SHISA9: variants seen among roughly 807,000 people sequenced by gnomAD.
SHISA9 encodes the protein protein shisa-9.
Under a neutral mutation model 38.0 loss-of-function variants are expected in SHISA9, and 13 were observed. The ratio of observed to expected loss-of-function variants is 0.34; its 90% CI spans 0.22 to 0.54. SHISA9 has a LOEUF of 0.54. Ranked by LOEUF, SHISA9 falls within the 20% of genes least tolerant of loss-of-function variation. The pLI is 0.91. For missense variants in SHISA9, 538 were observed against 575.8 expected (o/e 0.93, Z 0.67); for synonymous variants, 275 against 242.0 (o/e 1.14, Z -1.27).
intron 2 of SHISA9, among the ~76,000 whole-genome samples, chr16:13,050,620 C>T (rs2073240215): frequency 6.6e-6 from 1 of 152,190 alleles, no homozygotes; most frequent in Admixed American, 6.5e-5. Flanking sequence ...GCATGAGCCA[C>T]CACGCCCAGC....
At chr16:13,288,497 G>C in the SHISA9 span, among the ~76,000 whole-genome samples, 1 of 152,024 alleles carries the variant, frequency 6.6e-6, no homozygotes, top group Non-Finnish European at 1.5e-5. Context: ...CAGAGAGAGA[G>C]ATCAAGATCT....
At chr16:13,437,240 G>T in the SHISA9 span, among the ~76,000 whole-genome samples, 3 of 152,206 alleles carry the variant, frequency 2.0e-5, no homozygotes, top group African/African-American at 4.8e-5. Flanking sequence ...TGGGGGGATT[G>T]GTTGCCATGG....
intron 2 of SHISA9, among the ~76,000 whole-genome samples, chr16:13,088,241 G>C (rs896706395): frequency 3.9e-5 from 6 of 152,172 alleles, no homozygotes; most frequent in Non-Finnish European, 5.9e-5. Context: ...AGTATAGTTT[G>C]AAGTCAGGTA....
At chr16:13,361,489 A>C in the SHISA9 span, among the ~76,000 whole-genome samples, 1 of 152,252 alleles carries the variant, frequency 6.6e-6, no homozygotes, top group Non-Finnish European at 1.5e-5. Context: ...TACAAGCTTC[A>C]TCTCATTTAT....
chr16:13,268,504 G>A, the SHISA9 span, among the ~76,000 whole-genome samples: 4 of 149,932 alleles, frequency 2.7e-5, no homozygotes, highest in African/African-American at 9.8e-5. Context: ...AGCAAAACTC[G>A]GTCTCAGAAA....
At chr16:13,410,489 T>C in the SHISA9 span, among the ~76,000 whole-genome samples, 1 of 152,244 alleles carries the variant, frequency 6.6e-6, no homozygotes, top group African/African-American at 2.4e-5. Context: ...CAGCCACCTT[T>C]GGAAACAAAG....
At chr16:13,109,272 C>A (rs935426901) in intron 2 of SHISA9, among the ~76,000 whole-genome samples, 1 of 152,118 alleles carries the variant, frequency 6.6e-6, no homozygotes, top group Non-Finnish European at 1.5e-5. Flanking sequence ...GCAATCCTCC[C>A]ACCTTGGCTT....
At chr16:13,514,889 A>G in the SHISA9 span, among the ~76,000 whole-genome samples, 12 of 152,164 alleles carry the variant, frequency 7.9e-5, no homozygotes, top group East Asian at 2.1e-3. Flanking sequence ...CAGCTGGAGG[A>G]AAAAAAATAC....
intron 2 of SHISA9, among the ~76,000 whole-genome samples, chr16:13,143,075 C>T (rs1422715105): frequency 1.3e-5 from 2 of 149,548 alleles, no homozygotes; most frequent in Non-Finnish European, 1.5e-5. Flanking sequence ...GGTGTGATCT[C>T]GACTCACTGC....
chr16:12,996,369 C>G (rs2072457524), intron 2 of SHISA9, among the ~76,000 whole-genome samples: 1 of 152,166 alleles, frequency 6.6e-6, no homozygotes, highest in Non-Finnish European at 1.5e-5. Flanking sequence ...AGGTGAGTAG[C>G]AGCTGTCCCC....
At chr16:12,950,492 A>C (rs1016634978) in intron 2 of SHISA9, among the ~76,000 whole-genome samples, 17 of 152,214 alleles carry the variant, frequency 1.1e-4, no homozygotes, top group African/African-American at 4.1e-4. Flanking sequence ...GCTGGTGAGG[A>C]TGTGGAGAAA....
intron 4 of SHISA9, among the ~76,000 whole-genome samples, chr16:13,220,126 A>T (rs952345427): frequency 1.3e-5 from 2 of 152,218 alleles, no homozygotes; most frequent in African/African-American, 4.8e-5. Flanking sequence ...TATTTAGACC[A>T]GCATTTATTT....
At chr16:13,053,977 C>T (rs749690697) in intron 2 of SHISA9, among the ~76,000 whole-genome samples, 9 of 152,144 alleles carry the variant, frequency 5.9e-5, no homozygotes, top group Non-Finnish European at 8.8e-5. Flanking sequence ...GGAGGAGTCT[C>T]GCCTCTTCTC....
At chr16:12,913,472 C>T (rs2071213126) in intron 1 of SHISA9, among the ~76,000 whole-genome samples, 1 of 152,238 alleles carries the variant, frequency 6.6e-6, no homozygotes, top group African/African-American at 2.4e-5. Context: ...GCTGGGATTA[C>T]AGGTGTGAAC....
intron 2 of SHISA9, among the ~76,000 whole-genome samples, chr16:13,168,012 A>G (rs186141375): frequency 2.0e-5 from 3 of 152,156 alleles, no homozygotes; most frequent in Admixed American, 6.5e-5. Flanking sequence ...TAACAACCAC[A>G]TTTTCCAGCT....
the SHISA9 span, among the ~76,000 whole-genome samples, chr16:13,254,310 T>A: frequency 6.6e-6 from 1 of 152,160 alleles, no homozygotes; most frequent in Non-Finnish European, 1.5e-5. Context: ...TATCATCTGG[T>A]CCAAAACTTT....
the SHISA9 span, among the ~76,000 whole-genome samples, chr16:13,544,280 A>G: frequency 6.7e-6 from 1 of 148,734 alleles, no homozygotes; most frequent in Non-Finnish European, 1.5e-5. Flanking sequence ...TTATCTATAT[A>G]TCTTATAGAT....
At chr16:13,052,329 A>T (rs1048756304) in intron 2 of SHISA9, among the ~76,000 whole-genome samples, 10 of 152,114 alleles carry the variant, frequency 6.6e-5, no homozygotes, top group Non-Finnish European at 1.3e-4. Flanking sequence ...TTCTGTAATA[A>T]CTCTTGGTGA....
At chr16:13,444,582 T>C in the SHISA9 span, among the ~76,000 whole-genome samples, 2 of 152,116 alleles carry the variant, frequency 1.3e-5, no homozygotes, top group Non-Finnish European at 2.9e-5. Context: ...CTAGTCTTGA[T>C]TGTCTCTCAC....
Sources: gnomAD v4.1 joint callset for allele counts (sites outside exome capture counted in the v4.1 genomes callset) on GRCh38, gnomAD v4.1.1 for gene constraint, MANE v1.5 for transcripts, NCBI Gene and HGNC (gene_info 2026-07-23, HGNC 2026-07-21) for gene names.